The following ATAD2 variants were observed in gnomAD, a reference collection of about 807,000 sequenced individuals.
ATAD2 encodes ATPase family AAA domain-containing protein 2.
In ATAD2, 62 loss-of-function variants were observed where a neutral mutation model predicts 168.9. That is an observed-to-expected ratio of 0.37 (90% confidence interval 0.30 to 0.45). The LOEUF is 0.45. Among genes scored for constraint, ATAD2 ranks in the 20% least tolerant of loss-of-function variants. The pLI, the probability that ATAD2 is intolerant of heterozygous loss-of-function variation, is 1.00. For missense variants in ATAD2, 1,419 were observed against 1,667.8 expected (o/e 0.85, Z 2.60); for synonymous variants, 613 against 571.6 (o/e 1.07, Z -1.03).
intron 2 of ATAD2, among the ~76,000 whole-genome samples, chr8:123,377,589 G>T (rs1446383259): frequency 1.3e-5 from 2 of 152,028 alleles, no homozygotes; most frequent in Non-Finnish European, 2.9e-5. Context: ...TGTAATAAGG[G>T]GTTTTGCTAA....
intron 1 of ATAD2, among the ~76,000 whole-genome samples, chr8:123,406,038 CT>C (rs1813064164): frequency 6.6e-6 from 1 of 152,066 alleles, no homozygotes; most frequent in South Asian, 2.1e-4. Flanking sequence ...ACAAAACTAA[CT>C]TTTGCTGTTA....
At chr8:123,415,947 A>G (rs1813263770) in intron 1 of ATAD2, among the ~76,000 whole-genome samples, 1 of 152,222 alleles carries the variant, frequency 6.6e-6, no homozygotes, top group South Asian at 2.1e-4. Flanking sequence ...CAGTAATTGA[A>G]CAAAATATAT....
upstream of ATAD2, among the ~76,000 whole-genome samples, chr8:123,397,065 C>G (rs992488752): frequency 5.3e-5 from 8 of 151,830 alleles, no homozygotes; most frequent in Admixed American, 2.6e-4. Context: ...CTGTACCCAT[C>G]TTTGCCATTG....
At chr8:123,377,128 G>A (rs1829343511) in intron 2 of ATAD2, among the ~76,000 whole-genome samples, 1 of 115,770 alleles carries the variant, frequency 8.6e-6, no homozygotes, top group Non-Finnish European at 1.7e-5. Flanking sequence ...AGGTGTGGTG[G>A]TGCAAACTTG....
At chr8:123,348,356 TG>T in intron 14 of ATAD2, 83 bp from the exon 15 acceptor site, 1 of 1,129,166 alleles carries the variant, frequency 8.9e-7, no homozygotes, top group Non-Finnish European at 1.2e-6. Flanking sequence ...AAAATACTTT[TG>T]ATTATCTAAA....
rs149803746 is a variant in ATAD2 at position 123,353,622 on chromosome 8, C to T, written c.1646+2767G>A. The stretch of plus-strand genomic sequence containing the variant: ...CAAAGTATTCCAGGCTTGTCTTGAT[C>T]GTTTCTGCTTCAGTGTTACAATCCG... On this transcript the variant is annotated intron_variant, in intron 13 of 27. Coordinates refer to ENST00000287394, the MANE Select transcript of ATAD2 (RefSeq NM_014109.4). Among the ~76,000 whole-genome samples, 419 of 151,624 alleles carry T rather than the reference C, an allele frequency of 2.8e-3. 1 individual carries two copies. The highest frequency in any genetic ancestry group is 4.1e-3 in the Non-Finnish European group (281 of 67,900).
intron 8 of ATAD2, among the ~76,000 whole-genome samples, chr8:123,368,638 T>C (rs894815624): frequency 2.0e-5 from 3 of 152,160 alleles, no homozygotes. Flanking sequence ...CTAGAGGCCA[T>C]GTAGCTTAGA....
intron 20 of ATAD2, 90 bp downstream of exon 20, chr8:123,339,221 T>C (rs1586863734): frequency 8.6e-7 from 1 of 1,163,068 alleles, no homozygotes; most frequent in Non-Finnish European, 1.2e-6. Context: ...GGTTTTGAGC[T>C]TGTGTTATCA....
intron 1 of ATAD2, among the ~76,000 whole-genome samples, chr8:123,404,810 G>T (rs1813048635): frequency 6.6e-6 from 1 of 152,110 alleles, no homozygotes; most frequent in Non-Finnish European, 1.5e-5. Flanking sequence ...AAAGTGCTGG[G>T]ATTACAGGCG....
chr8:123,415,070 T>C (rs935588213), intron 1 of ATAD2, among the ~76,000 whole-genome samples: 2 of 152,238 alleles, frequency 1.3e-5, no homozygotes, highest in African/African-American at 4.8e-5. Flanking sequence ...GATTTAGAAC[T>C]CCTTTTAGCA....
At chr8:123,401,716 A>T (rs1046759016) in intron 1 of ATAD2, 61 of 748,296 alleles carry the variant, frequency 8.2e-5, no homozygotes, top group South Asian at 1.8e-4. Flanking sequence ...GTGCCTCCAT[A>T]GTGATGATGG....
At position 123,322,954 on chromosome 8, in the gene ATAD2, T is replaced by C. The variant is rs1332268827; in HGVS notation, c.4115A>G (p.Lys1372Arg). The change falls in exon 27 of 28, where the codon AAA becomes AGA. Residue 1372 changes from lysine to arginine, a missense_variant. Physicochemically the swap from Lys to Arg is conservative, Grantham distance 26. Around this residue, in one of 5 missense-constraint regions of ATAD2, gnomAD observed 303 missense variants for 304.3 expected, o/e 1.00. Transcript: ENST00000287394. The part of the protein sequence containing the change: ...CIYRHRKDHD[K>R]TSLIQKMEQE... ...AGAGTTTACCTGAATAAGTGATGTT[T>C]TATCATGGTCCTTGCGATGCCGATA... 6.2e-7 allele frequency: 1 copy of C among 1,613,198 alleles called. No homozygotes were observed. Among genetic ancestry groups the C allele is most frequent in the African/African-American group, 1.3e-5 (1 of 74,902 alleles).
chr8:123,353,044 G>A (rs746101261), intron 13 of ATAD2, among the ~76,000 whole-genome samples: 37 of 151,418 alleles, frequency 2.4e-4, no homozygotes, highest in Non-Finnish European at 4.4e-4. Flanking sequence ...TCCAGCCTGG[G>A]TAACAGAGTA....
chr8:123,328,318 T>TTA lies in ATAD2; in HGVS notation c.3738_3739dup (p.Asn1247IlefsTer3), dbSNP rs1308600510. The TTA allele has an allele frequency of 2.5e-6, 4 of 1,607,836 alleles. No individual in the cohort carries two copies. Among genetic ancestry groups the TTA allele is most frequent in the Non-Finnish European group, 3.4e-6 (4 of 1,177,960 alleles). ...AGAGTCTTCAAGCTCATTCTCTATA[T>TTA]TACAAGTATTTGAATTATTTCTCAA... On this transcript the variant is annotated frameshift_variant, in exon 25 of 28. Coordinates refer to ENST00000287394, the MANE Select transcript of ATAD2 (RefSeq NM_014109.4). LOFTEE classifies it high-confidence loss of function.
intron 1 of ATAD2, among the ~76,000 whole-genome samples, chr8:123,395,651 C>T (rs886178812): frequency 2.0e-5 from 3 of 152,158 alleles, no homozygotes; most frequent in Non-Finnish European, 4.4e-5. Context: ...GGTCTTCATC[C>T]CTCCACATTA....
intron 2 of ATAD2, among the ~76,000 whole-genome samples, chr8:123,378,701 C>CAAAAAAAAAAAAAAAAAAAAAAAA (rs71808201): frequency 2.7e-5 from 2 of 73,044 alleles, no homozygotes; most frequent in African/African-American, 1.2e-4. Flanking sequence ...GACTGTGTCT[C>CAAAAAAAAAAAAAAAAAAAAAAAA]AAAAAAAAAA....
rs772075804 is a variant in ATAD2, at chr8:123,337,817, C to A, written c.2859G>T (p.Leu953Phe). Residue 953 changes from leucine (L) to phenylalanine (F), a missense_variant, in exon 21 of 28, where the codon TTG becomes TTT. Around this residue, in one of 5 missense-constraint regions of ATAD2, gnomAD observed 545 missense variants for 724.9 expected, o/e 0.75. Coordinates refer to ENST00000287394, the MANE Select transcript of ATAD2 (RefSeq NM_014109.4). Reference protein sequence around the residue: ...KPPISKKKAVLQALEVLPVAP... With the variant: ...KPPISKKKAVFQALEVLPVAP... ...CTACTGGGAGTACCTCCAAAGCCTG[C>A]AAAACTTCACATGAATGGAAGAATT... is the stretch of plus-strand genomic sequence containing the variant. 8 of 1,586,374 alleles carry A rather than the reference C, an allele frequency of 5.0e-6. No individual in the cohort carries two copies. The Admixed American group carries it at 7.5e-5, about 15-fold the overall frequency.
chr8:123,346,988 C>T, intron 16 of ATAD2, 104 bp downstream of exon 16: 1 of 1,301,372 alleles, frequency 7.7e-7, no homozygotes, highest in East Asian at 2.5e-5. Flanking sequence ...TTACCAAATT[C>T]TTTTCAAGAG....
chr8:123,388,005 C>A (rs1005960224), intron 1 of ATAD2, among the ~76,000 whole-genome samples: 1 of 152,130 alleles, frequency 6.6e-6, no homozygotes, highest in Non-Finnish European at 1.5e-5. Context: ...CATGTTATAT[C>A]ACTATAGTTG....
Sources: gnomAD v4.1 joint callset for allele counts (sites outside exome capture counted in the v4.1 genomes callset) on GRCh38, gnomAD v4.1.1 for gene constraint, gnomAD v4.1.1 regional missense constraint, MANE v1.5 for transcripts, NCBI Gene and HGNC (gene_info 2026-07-23, HGNC 2026-07-21) for gene names.